LPP: variants seen among roughly 807,000 people sequenced by gnomAD.
The protein encoded by LPP is LIM domain containing preferred translocation partner in lipoma.
Under a neutral mutation model 60.4 loss-of-function variants are expected in LPP, and 38 were observed. That is an observed-to-expected ratio of 0.63 (90% CI 0.49 to 0.83). LPP has a LOEUF of 0.83. LPP is among the 40% of genes least tolerant of loss of function. The probability of loss-of-function intolerance (pLI) is 0.00; values close to 1 mark genes in which losing one functional copy is unlikely to be tolerated. For missense variants in LPP, 902 were observed against 783.6 expected (o/e 1.15, Z -1.80); for synonymous variants, 328 against 290.8 (o/e 1.13, Z -1.30).
chr3:188,593,304 GCTCT>G lies in LPP; in HGVS notation c.430-15846_430-15843del, dbSNP rs564351098. Among the ~76,000 whole-genome samples the G allele has an allele frequency of 1.0e-4, 15 of 150,440 alleles. No individual in the cohort carries two copies. In the South Asian group the frequency reaches 2.9e-3, roughly 29 times the overall value. ...AGATCCCATAGAGGTGTTCACTCTT[GCTCT>G]CTCTCTCTCTTCTCTCTCCCTCTCA... On this transcript the variant is annotated intron_variant, in intron 6 of 11. Transcript: ENST00000617246.
At chr3:188,505,517 T>A (rs982460335) in intron 5 of LPP, among the ~76,000 whole-genome samples, 5 of 152,218 alleles carry the variant, frequency 3.3e-5, no homozygotes, top group African/African-American at 1.2e-4. Flanking sequence ...CTTTGACAAG[T>A]TTTGTTTCAT....
At chr3:188,195,095 C>T (rs545834155) in intron 1 of LPP, among the ~76,000 whole-genome samples, 3 of 152,194 alleles carry the variant, frequency 2.0e-5, no homozygotes, top group Non-Finnish European at 4.4e-5. Context: ...CTCGTCTCTA[C>T]TAAAAGTACA....
intron 7 of LPP, among the ~76,000 whole-genome samples, chr3:188,614,815 G>A (rs1234442990): frequency 1.3e-5 from 2 of 152,118 alleles, no homozygotes; most frequent in Non-Finnish European, 2.9e-5. Flanking sequence ...AGATTAAAGT[G>A]GGCTTAGGCA....
At chr3:188,482,805 T>C (rs1805194568) in intron 4 of LPP, among the ~76,000 whole-genome samples, 1 of 152,194 alleles carries the variant, frequency 6.6e-6, no homozygotes, top group Non-Finnish European at 1.5e-5. Flanking sequence ...CTTTATGTTG[T>C]AAGTTATTGA....
Position 188,609,219 on chromosome 3 carries a change from G to T in LPP, c.488G>T (p.Arg163Ile), listed in dbSNP as rs1408758478. Residue 163 changes from arginine to isoleucine, a missense_variant, in exon 7 of 12, where the codon AGA (arginine) becomes ATA (isoleucine). Coordinates refer to ENST00000617246, the MANE Select transcript of LPP (RefSeq NM_001375462.1). This position sits in a 1 kb window ranked among gnomAD's most constrained non-coding sequence, Gnocchi z 6.9. Reference sequence around the variant, plus strand: ...TCGACCCCAGTCACAGGACACAAGAGAATGGTCATCCCGAACCAACCCCCT... The same window carrying T: ...TCGACCCCAGTCACAGGACACAAGATAATGGTCATCCCGAACCAACCCCCT... The part of the protein sequence containing the change: ...PVSTPVTGHK[R>I]MVIPNQPPLT... 1 of 1,613,860 alleles carries T rather than the reference G, an allele frequency of 6.2e-7. No individual in the cohort carries two copies. Among genetic ancestry groups the T allele is most frequent in the African/African-American group, 1.3e-5 (1 of 74,934 alleles).
At chr3:188,459,378 A>G (rs1798474073) in intron 4 of LPP, among the ~76,000 whole-genome samples, 1 of 152,142 alleles carries the variant, frequency 6.6e-6, no homozygotes, top group Admixed American at 6.5e-5. Context: ...GAGGAGAGAG[A>G]GCACATAGAG....
In LPP at chr3:188,250,985, TCCCCTGCCCTCCC is replaced by T. The variant is rs1352533913; in HGVS notation, c.-67+25476_-67+25488del. Among the ~76,000 whole-genome samples, 7 of 20,530 alleles carry T rather than the reference TCCCCTGCCCTCCC, an allele frequency of 3.4e-4. No individual in the cohort carries two copies. The Admixed American group carries it at 4.4e-3, about 13-fold the overall frequency. 13.5% of individuals were successfully genotyped at this position (20,530 alleles called of 152,430 possible). On this transcript the variant is annotated intron_variant, in intron 2 of 11. Transcript: ENST00000617246. ...TTCCCTTCCCTTCCCTTCCCTCCCC[TCCCCTGCCCTCCC>T]CCCCTGCCCTCCCCCCCGCCCTCCC...
chr3:188,530,008 G>T (rs1350727273), intron 6 of LPP, among the ~76,000 whole-genome samples: 1 of 152,206 alleles, frequency 6.6e-6, no homozygotes, highest in Non-Finnish European at 1.5e-5. Flanking sequence ...GAGCTAACTT[G>T]GCTTAAAGTG....
intron 6 of LPP, among the ~76,000 whole-genome samples, chr3:188,567,298 G>A (rs1253381625): frequency 1.3e-5 from 2 of 151,806 alleles, no homozygotes; most frequent in Non-Finnish European, 2.9e-5. Flanking sequence ...TTAAAATGGG[G>A]ATGATAATAG....
chr3:188,812,666 TTAAA>T (rs1751331745), intron 9 of LPP, among the ~76,000 whole-genome samples: 2 of 152,250 alleles, frequency 1.3e-5, no homozygotes, highest in South Asian at 4.1e-4. Context: ...GATGTAATTA[TTAAA>T]TAAATTCAAA....
intron 4 of LPP, among the ~76,000 whole-genome samples, chr3:188,475,684 C>T (rs904156086): frequency 2.6e-5 from 4 of 152,090 alleles, no homozygotes; most frequent in Non-Finnish European, 4.4e-5. Flanking sequence ...GGGCGGATCA[C>T]GAGGTGAGGA....
chr3:188,486,570 T>C (rs927184155), intron 5 of LPP, among the ~76,000 whole-genome samples: 2 of 152,120 alleles, frequency 1.3e-5, no homozygotes, highest in Non-Finnish European at 2.9e-5. Context: ...TAGAGATTTC[T>C]TGGGGAGTGT....
chr3:188,328,648 C>T (rs561614322), intron 2 of LPP, among the ~76,000 whole-genome samples: 82 of 152,180 alleles, frequency 5.4e-4, no homozygotes, highest in African/African-American at 1.8e-3. Context: ...ATGAAAAAAG[C>T]GATTGGTTAG....
intron 2 of LPP, among the ~76,000 whole-genome samples, chr3:188,309,227 G>T (rs1308386438): frequency 6.6e-6 from 1 of 151,880 alleles, no homozygotes; most frequent in Non-Finnish European, 1.5e-5. Context: ...CACCATATTG[G>T]CCAGGCTGGT....
intron 4 of LPP, among the ~76,000 whole-genome samples, chr3:188,431,377 G>A (rs943422843): frequency 3.3e-5 from 5 of 152,100 alleles, no homozygotes; most frequent in Admixed American, 1.3e-4. Flanking sequence ...ATGGAAGACC[G>A]AAACACTCTT....
At chr3:188,519,894 A>G (rs1385190317) in intron 5 of LPP, among the ~76,000 whole-genome samples, 1 of 152,208 alleles carries the variant, frequency 6.6e-6, no homozygotes, top group African/African-American at 2.4e-5. Context: ...TTCATAACCA[A>G]TTGCTGGTAC....
intron 4 of LPP, among the ~76,000 whole-genome samples, chr3:188,445,734 G>A (rs546866416): frequency 2.6e-5 from 4 of 152,124 alleles, no homozygotes; most frequent in African/African-American, 7.2e-5. Context: ...TTAGGACCAG[G>A]AATAAGCAAT....
intron 6 of LPP, among the ~76,000 whole-genome samples, chr3:188,526,307 T>C (rs1449017614): frequency 6.6e-6 from 1 of 150,864 alleles, no homozygotes; most frequent in African/African-American, 2.4e-5. Flanking sequence ...TTTTTTTTTC[T>C]TTTATGAGAT....
chr3:188,877,499 A>G lies in LPP; in HGVS notation c.*3020A>G, dbSNP rs182465976. The G allele has an allele frequency of 2.4e-3, 441 of 187,324 alleles. 2 individuals are homozygous for G. The highest frequency in any genetic ancestry group is 0.011 in the South Asian group (56 of 5,116). The allele number at this position is 187,324 out of a possible 1,614,324, so 11.6% of individuals were successfully genotyped here. ...GGATTTCTTAAATTTTTCAACCCCC[A>G]GACCATACTGACTCAACATGGAGTC... On this transcript the variant is annotated 3_prime_UTR_variant, in exon 12 of 12. Transcript: ENST00000617246.
Sources: allele counts gnomAD v4.1 joint callset (sites outside exome capture counted in the v4.1 genomes callset), GRCh38; gene constraint gnomAD v4.1.1; non-coding constraint Gnocchi (gnomAD v3.1); transcripts MANE v1.5; gene names NCBI Gene and HGNC (gene_info 2026-07-23, HGNC 2026-07-21).